The following LCMT1 variants were observed in gnomAD, a reference collection of about 807,000 sequenced individuals.
The protein encoded by LCMT1 is leucine carboxyl methyltransferase 1.
A neutral mutation model predicts 47.7 loss-of-function variants in LCMT1; 32 were observed. The observed-to-expected ratio is 0.67, with a 90% CI of 0.51 to 0.90. The LOEUF (loss-of-function observed/expected upper bound fraction) is 0.90, where lower values mean the gene tolerates loss of function less well. LCMT1 is among the 40% of genes least tolerant of loss of function. The pLI, the probability that LCMT1 is intolerant of heterozygous loss-of-function variation, is 0.00. For missense variants in LCMT1, 375 were observed against 415.2 expected (o/e 0.90, Z 0.84); for synonymous variants, 152 against 149.7 (o/e 1.02, Z -0.11).
intron 5 of LCMT1, among the ~76,000 whole-genome samples, chr16:25,158,140 A>C (rs1961314946): frequency 1.3e-5 from 2 of 152,170 alleles, no homozygotes; most frequent in African/African-American, 4.8e-5. Context: ...CCACATTGGC[A>C]CAATACTTGC....
At chr16:25,114,528 C>T (rs1959726939) in intron 1 of LCMT1, among the ~76,000 whole-genome samples, 1 of 152,148 alleles carries the variant, frequency 6.6e-6, no homozygotes, top group Non-Finnish European at 1.5e-5. Flanking sequence ...CCCTTCTCTG[C>T]TCTCCTTATG....
intron 2 of LCMT1, among the ~76,000 whole-genome samples, chr16:25,129,847 G>A (rs1292614950): frequency 6.6e-6 from 1 of 152,152 alleles, no homozygotes; most frequent in African/African-American, 2.4e-5. Context: ...TCTTCCCTAA[G>A]GATGGAAATT....
At chr16:25,159,824 T>TA (rs1318218832) in intron 5 of LCMT1, among the ~76,000 whole-genome samples, 3 of 152,126 alleles carry the variant, frequency 2.0e-5, no homozygotes, top group Non-Finnish European at 4.4e-5. Context: ...GAACCTGAAT[T>TA]ATTAGCAGTA....
chr16:25,130,255 G>A (rs1192868824), intron 2 of LCMT1, among the ~76,000 whole-genome samples: 3 of 151,038 alleles, frequency 2.0e-5, no homozygotes, highest in African/African-American at 7.3e-5. Flanking sequence ...CAGGAGAATG[G>A]CGTGAACCCG....
intron 1 of LCMT1, 48 bp downstream of exon 1, chr16:25,112,044 T>A: frequency 7.7e-7 from 1 of 1,291,734 alleles, no homozygotes; most frequent in Non-Finnish European, 1.1e-6. Flanking sequence ...GGCGCGGGCC[T>A]AGGTGGGAGG....
rs187355363 is a variant in LCMT1, at chr16:25,128,411, C to G, written c.114-64C>G. ...CTTGATCTGGTTCCTGGGAACTTGG[C>G]AGTGGACCTTGGTCTGAACCTACTC... On this transcript the variant is annotated intron_variant, in intron 1 of 10. Coordinates refer to ENST00000399069, the MANE Select transcript of LCMT1 (RefSeq NM_016309.3). The G allele has an allele frequency of 1.1e-4, 133 of 1,198,836 alleles. No individual in the cohort carries two copies. The African/African-American group carries it at 1.7e-3, about 15-fold the overall frequency. The allele number at this position is 1,198,836 out of a possible 1,614,324, so 74.3% of individuals were successfully genotyped here. A position where few individuals can be genotyped will look rare whatever the true frequency, so the allele number is the denominator to read the frequency against.
At chr16:25,168,250 T>C (rs938991520) in intron 7 of LCMT1, among the ~76,000 whole-genome samples, 1 of 152,064 alleles carries the variant, frequency 6.6e-6, no homozygotes, top group Non-Finnish European at 1.5e-5. Context: ...AGTTTCACCA[T>C]GTTGGCCAGG....
intron 1 of LCMT1, among the ~76,000 whole-genome samples, chr16:25,122,231 C>G (rs1567307380): frequency 6.6e-6 from 1 of 152,190 alleles, no homozygotes; most frequent in Non-Finnish European, 1.5e-5. Flanking sequence ...ATCCTATAAT[C>G]ACTCATGAGG....
intron 10 of LCMT1, among the ~76,000 whole-genome samples, chr16:25,177,749 T>C (rs1245594343): frequency 1.3e-5 from 2 of 152,222 alleles, no homozygotes; most frequent in Non-Finnish European, 1.5e-5. Context: ...AAAGGGTAGA[T>C]TTTTGGCGTT....
intron 1 of LCMT1, among the ~76,000 whole-genome samples, chr16:25,122,095 G>A (rs2141631421): frequency 6.6e-6 from 1 of 152,318 alleles, no homozygotes; most frequent in East Asian, 1.9e-4. Context: ...TCTGCAAAAT[G>A]CTTCTTGAAA....
At position 25,164,790 on chromosome 16, in the gene LCMT1, A is replaced by G. The variant is rs1046010772; in HGVS notation, c.690+72A>G. 1.9e-6 allele frequency: 3 copies of G among 1,594,998 alleles called. No homozygotes were observed. In the East Asian group the frequency reaches 6.7e-5, roughly 36 times the overall value. ...GTGGCTTCCCTCTCCCAGCACCCTT[A>G]GGATAACTTCCCTTATCCTTTTCCT... is the stretch of plus-strand genomic sequence containing the variant. On this transcript the variant is annotated intron_variant, in intron 7 of 10. Transcript: ENST00000399069.
chr16:25,173,665 C>G (rs767247373), intron 9 of LCMT1, among the ~76,000 whole-genome samples: 3 of 151,848 alleles, frequency 2.0e-5, no homozygotes, highest in African/African-American at 4.8e-5. Context: ...TTGAAAATGC[C>G]GGACTTTTCC....
rs532269489 is a variant in LCMT1, at chr16:25,125,700, C to T, written c.114-2775C>T. Among the ~76,000 whole-genome samples the T allele has an allele frequency of 3.8e-3, 571 of 151,898 alleles. 2 individuals carry two copies. The highest frequency in any genetic ancestry group is 0.013 in the African/African-American group (546 of 41,424). ...TACAAAAATTAGCCAGGCGTGGTGG[C>T]GGGTGCCTGTAATCCCAGCTACTCG... On this transcript the variant is annotated intron_variant, in intron 1 of 10. Transcript: ENST00000399069.
At chr16:25,116,921 CTG>C (rs1269077021) in intron 1 of LCMT1, among the ~76,000 whole-genome samples, 2 of 151,606 alleles carry the variant, frequency 1.3e-5, no homozygotes, top group African/African-American at 4.9e-5. Context: ...AAACCAGAAA[CTG>C]GGGTTTGCCA....
chr16:25,129,139 G>T (rs1348417815), intron 2 of LCMT1, among the ~76,000 whole-genome samples: 1 of 150,816 alleles, frequency 6.6e-6, no homozygotes, highest in Non-Finnish European at 1.5e-5. Context: ...CCATGTCCCT[G>T]CAAAGGACAT....
intron 7 of LCMT1, 23 bp downstream of exon 7, chr16:25,164,741 T>TG: frequency 6.2e-7 from 1 of 1,613,880 alleles, no homozygotes; most frequent in Non-Finnish European, 8.5e-7. Flanking sequence ...ACAGGAGAAC[T>TG]GGATTCCATA....
intron 1 of LCMT1, among the ~76,000 whole-genome samples, chr16:25,113,059 T>A (rs1454373928): frequency 6.8e-6 from 1 of 146,816 alleles, no homozygotes; most frequent in Non-Finnish European, 1.5e-5. Flanking sequence ...GAGAATCATT[T>A]GAACCCGGGA....
At position 25,140,261 on chromosome 16, in the gene LCMT1, G is replaced by A. The variant is rs1288507121; in HGVS notation, c.404+14G>A. 1 of 1,573,738 alleles carries A rather than the reference G, an allele frequency of 6.4e-7. No individual in the cohort carries two copies. The highest frequency in any genetic ancestry group is 1.7e-4 in the Middle Eastern group (1 of 6,014). On this transcript the variant is annotated intron_variant, in intron 4 of 10. Coordinates refer to ENST00000399069, the MANE Select transcript of LCMT1 (RefSeq NM_016309.3). ...GCACAGTATCAAGTAAGTGTGGCATGGCCAGAAGAACAAAAGCCAGCGAGA... is the reference window on the plus strand; with the variant it reads ...GCACAGTATCAAGTAAGTGTGGCATAGCCAGAAGAACAAAAGCCAGCGAGA...
At chr16:25,157,232 C>G (rs1961287003) in intron 5 of LCMT1, among the ~76,000 whole-genome samples, 1 of 152,038 alleles carries the variant, frequency 6.6e-6, no homozygotes, top group Non-Finnish European at 1.5e-5. Flanking sequence ...CTTTTCACCT[C>G]ATGACCTAAT....
Sources: allele counts gnomAD v4.1 joint callset (sites outside exome capture counted in the v4.1 genomes callset), GRCh38; gene constraint gnomAD v4.1.1; transcripts MANE v1.5; gene names NCBI Gene and HGNC (gene_info 2026-07-23, HGNC 2026-07-21).